CPD: variants seen among roughly 807,000 people sequenced by gnomAD.
The protein encoded by CPD is carboxypeptidase D, also known as metallocarboxypeptidase D.
A neutral mutation model predicts 138.3 loss-of-function variants in CPD; 69 were observed. The ratio of observed to expected loss-of-function variants is 0.50; its 90% confidence interval spans 0.41 to 0.61. The LOEUF (loss-of-function observed/expected upper bound fraction) is 0.61, where lower values mean the gene tolerates loss of function less well. Among genes scored for constraint, CPD ranks in the 20% least tolerant of loss-of-function variants. CPD has a pLI of 0.00. For missense variants in CPD, 1,432 were observed against 1,733.3 expected, an observed-to-expected ratio of 0.83 and a Z score of 3.09; for synonymous variants, 651 against 642.1, an observed-to-expected ratio of 1.01 and a Z score of -0.21.
chr17:30,378,966 C>A lies in CPD; in HGVS notation c.-15C>A, dbSNP rs766318215. 2.7e-6 allele frequency: 4 copies of A among 1,492,628 alleles called. No homozygotes were observed. The Admixed American group carries it at 9.2e-5, about 34-fold the overall frequency. The allele number at this position is 1,492,628 out of a possible 1,614,324, so 92.5% of individuals were successfully genotyped here. A position where few individuals can be genotyped will look rare whatever the true frequency, so the allele number is the denominator to read the frequency against. Reference sequence around the variant, plus strand: ...GCCGCGGGAGCGGAGCCGGGGTTAGCGGCGCTGCTGGAAGATGGCGAGCGG... The same window carrying A: ...GCCGCGGGAGCGGAGCCGGGGTTAGAGGCGCTGCTGGAAGATGGCGAGCGG... On this transcript the variant is annotated 5_prime_UTR_variant, in exon 1 of 21. Transcript: ENST00000225719.
At chr17:30,408,053 G>A (rs142122087) in intron 2 of CPD, among the ~76,000 whole-genome samples, 24 of 152,242 alleles carry the variant, frequency 1.6e-4, no homozygotes, top group African/African-American at 5.8e-4. Context: ...ACTTTTCCCA[G>A]CACCATTTAT....
rs181103307 is a variant in CPD, at chr17:30,434,986, T to G, written c.2127+3105T>G. Among the ~76,000 whole-genome samples the G allele has an allele frequency of 1.2e-4, 19 of 152,070 alleles. No individual in the cohort carries two copies. In the East Asian group the frequency reaches 3.5e-3, roughly 28 times the overall value. On this transcript the variant is annotated intron_variant, in intron 8 of 20. Transcript: ENST00000225719. Reference sequence around the variant, plus strand: ...ATAGACACTAAGGAGACCCTACCATTAGCAAAAAATAATCGAGAAGCAGAA... The same window carrying G: ...ATAGACACTAAGGAGACCCTACCATGAGCAAAAAATAATCGAGAAGCAGAA...
chr17:30,411,258 T>C (rs1265685093), intron 2 of CPD, among the ~76,000 whole-genome samples: 1 of 152,226 alleles, frequency 6.6e-6, no homozygotes, highest in Non-Finnish European at 1.5e-5. Flanking sequence ...CCTTTGTGGG[T>C]AACCTGACCT....
At chr17:30,397,188 T>C (rs1045442699) in intron 2 of CPD, among the ~76,000 whole-genome samples, 1 of 152,190 alleles carries the variant, frequency 6.6e-6, no homozygotes, top group African/African-American at 2.4e-5. Context: ...TTACCAAAAT[T>C]TGTAAAAAAA....
Position 30,455,365 on chromosome 17 carries a change from G to A in CPD, c.3232G>A (p.Ala1078Thr), listed in dbSNP as rs769999947. 49 of 1,613,006 alleles carry A rather than the reference G, an allele frequency of 3.0e-5. No individual in the cohort carries two copies. The highest frequency in any genetic ancestry group is 4.1e-5 in the Non-Finnish European group (48 of 1,179,600). ...TAATGCCTCCCAACCTGAGACCAAA[G>A]CCATCATTGAAAATTTGATTCAAAA... is the stretch of plus-strand genomic sequence containing the variant. The part of the protein sequence containing the change: ...TNNASQPETK[A>T]IIENLIQKQD... The change falls in exon 15 of 21, where the codon GCC (alanine) becomes ACC (threonine). Residue 1078 changes from alanine to threonine, a missense_variant. Physicochemically the swap from Ala to Thr is moderately conservative, Grantham distance 58 (BLOSUM62 0). Coordinates refer to ENST00000225719, the MANE Select transcript of CPD (RefSeq NM_001304.5).
At chr17:30,380,415 G>A in intron 1 of CPD, 1 of 1,133,746 alleles carries the variant, frequency 8.8e-7, no homozygotes. Context: ...TATGGACTTA[G>A]CTGGAGAACT....
At chr17:30,390,778 T>G (rs1158047864) in intron 2 of CPD, among the ~76,000 whole-genome samples, 1 of 152,008 alleles carries the variant, frequency 6.6e-6, no homozygotes, top group Non-Finnish European at 1.5e-5. Context: ...CACATCCCCT[T>G]CCAAAGCCTC....
intron 2 of CPD, among the ~76,000 whole-genome samples, chr17:30,411,834 T>A (rs574468066): frequency 2.0e-5 from 3 of 152,338 alleles, no homozygotes; most frequent in Admixed American, 6.5e-5. Context: ...AGTTTGTTAT[T>A]ACCAACCTTC....
chr17:30,444,249 A>G (rs1190343156), intron 11 of CPD: 1 of 255,530 alleles, frequency 3.9e-6, no homozygotes, highest in East Asian at 7.3e-5. Flanking sequence ...ACATTTTAGA[A>G]TACACATCAA....
chr17:30,444,269 C>T (rs1247338149), intron 11 of CPD: 1 of 212,178 alleles, frequency 4.7e-6, no homozygotes, highest in Non-Finnish European at 9.4e-6. Context: ...AATCCTGATC[C>T]TCATGGCCTT....
intron 7 of CPD, among the ~76,000 whole-genome samples, chr17:30,429,771 TA>T (rs1423513799): frequency 1.3e-5 from 2 of 151,974 alleles, no homozygotes; most frequent in East Asian, 1.9e-4. Context: ...CTTCTAGGGG[TA>T]AAAAATTGTG....
chr17:30,380,576 C>T (rs1911012665), intron 1 of CPD: 2 of 1,491,628 alleles, frequency 1.3e-6, no homozygotes, highest in African/African-American at 2.8e-5. Context: ...TAAAAAATTA[C>T]AAAGTAGAAG....
chr17:30,408,603 CTGTATGTCTG>C (rs1186600185), intron 2 of CPD, among the ~76,000 whole-genome samples: 6 of 152,226 alleles, frequency 3.9e-5, no homozygotes, highest in African/African-American at 1.4e-4. Context: ...ATTTGGCTCT[CTGTATGTCTG>C]TTATTGGTGT....
At chr17:30,439,391 T>G (rs1912790588) in intron 9 of CPD, among the ~76,000 whole-genome samples, 2 of 90,348 alleles carry the variant, frequency 2.2e-5, no homozygotes, top group African/African-American at 1.2e-4. Context: ...ACAACGTTAC[T>G]TTCTTTTTTT....
rs1913650999 is a variant in CPD, at chr17:30,466,732, G to C, written c.*1918G>C. The stretch of plus-strand genomic sequence containing the variant: ...ACAGCAAGTGAAACAAAGTTAATGT[G>C]ACAAGCTTTGCTTTGTTATCATTGG... On this transcript the variant is annotated 3_prime_UTR_variant, in exon 21 of 21. Coordinates refer to ENST00000225719, the MANE Select transcript of CPD (RefSeq NM_001304.5). 1 of 152,624 alleles carries C rather than the reference G, an allele frequency of 6.6e-6. No individual in the cohort carries two copies. The highest frequency in any genetic ancestry group is 1.5e-5 in the Non-Finnish European group (1 of 68,016). 9.5% of individuals were successfully genotyped at this position (152,624 alleles called of 1,614,324 possible).
rs1910967849 is a variant in CPD at position 30,379,100 on chromosome 17, T to C, written c.120T>C (p.Thr40=). ...RAAHIKKAEA[T]TTTTSAGAEA... ...CTCACATCAAGAAGGCGGAGGCGAC[T>C]ACCACAACTACGAGCGCGGGCGCCG... The change falls in exon 1 of 21, where the codon ACT becomes ACC. Residue 40 remains threonine, a synonymous_variant. Transcript: ENST00000225719. This position sits in a 1 kb window ranked among gnomAD's most constrained non-coding sequence, Gnocchi z 7.0. 3.2e-6 allele frequency: 5 copies of C among 1,551,370 alleles called. No individual in the cohort carries two copies. The highest frequency in any genetic ancestry group is 4.3e-6 in the Non-Finnish European group (5 of 1,153,792).
chr17:30,413,724 A>C (rs1039802032), intron 2 of CPD, among the ~76,000 whole-genome samples: 11 of 152,220 alleles, frequency 7.2e-5, no homozygotes, highest in African/African-American at 2.2e-4. Flanking sequence ...TAGTAAACAC[A>C]GTAGGTGAAT....
At chr17:30,449,129 T>TATAA (rs140528779) in intron 12 of CPD, among the ~76,000 whole-genome samples, 4,734 of 151,632 alleles carry the variant, frequency 0.031, 233 homozygotes, top group African/African-American at 0.11. Context: ...ATGACAATAA[T>TATAA]ATAAATAAAT....
intron 1 of CPD, 136 bp from the exon 2 acceptor site, chr17:30,384,853 A>C: frequency 7.1e-5 from 60 of 844,194 alleles, no homozygotes; most frequent in Non-Finnish European, 1.0e-4. Flanking sequence ...ATAACAGATA[A>C]CAGCTGATAG....
Sources: allele counts gnomAD v4.1 joint callset (sites outside exome capture counted in the v4.1 genomes callset), GRCh38; gene constraint gnomAD v4.1.1; non-coding constraint Gnocchi (gnomAD v3.1); transcripts MANE v1.5; gene names NCBI Gene and HGNC (gene_info 2026-07-23, HGNC 2026-07-21).